The following FSIP2 variants were observed in gnomAD, a reference collection of about 807,000 sequenced individuals.
FSIP2 encodes the protein fibrous sheath interacting protein 2, also known as fibrous sheath-interacting protein 2.
A neutral mutation model predicts 510.5 loss-of-function variants in FSIP2; 367 were observed. The ratio of observed to expected loss-of-function variants is 0.72; its 90% CI spans 0.66 to 0.78. FSIP2 has a LOEUF of 0.78. Among genes scored for constraint, FSIP2 ranks in the 30% least tolerant of loss-of-function variants. The pLI, the probability that FSIP2 is intolerant of heterozygous loss-of-function variation, is 0.00. For synonymous variants in FSIP2, 2,601 were observed against 2,732.2 expected, an observed-to-expected ratio of 0.95 and a Z score of 1.50; for missense variants, 7,594 against 7,901.7, an observed-to-expected ratio of 0.96 and a Z score of 1.48.
At chr2:185,786,324 T>C in intron 15 of FSIP2, 36 bp downstream of exon 15, 1 of 1,378,606 alleles carries the variant, frequency 7.3e-7, no homozygotes, top group Admixed American at 2.2e-5. Flanking sequence ...AAGCAACATA[T>C]TAGTCATACT....
intron 13 of FSIP2, among the ~76,000 whole-genome samples, chr2:185,779,834 G>A (rs1304386884): frequency 6.6e-6 from 1 of 151,788 alleles, no homozygotes. Context: ...CGTATTTTGG[G>A]AGTAAATTCT....
chr2:185,819,473 T>C (rs751384367), intron 19 of FSIP2, among the ~76,000 whole-genome samples: 1 of 151,786 alleles, frequency 6.6e-6, no homozygotes, highest in Non-Finnish European at 1.5e-5. Context: ...TAAGAATACA[T>C]GTAGGTTGAA....
Position 185,803,711 on chromosome 2 carries a change from C to T in FSIP2, c.14405C>T (p.Thr4802Ile). ...TTGGAAAAAATAGTTACTCAGCTTA[C>T]ATCTCAGATAAGTCCATTGAACACC... ...SHLEKIVTQLTSQISPLNTSA... is the reference protein window; with the variant it reads ...SHLEKIVTQLISQISPLNTSA... Residue 4802 changes from threonine (T) to isoleucine (I), a missense_variant, in exon 17 of 23, where the codon ACA (threonine) becomes ATA (isoleucine). By Grantham distance (89) the Thr-to-Ile change is moderately conservative. Coordinates refer to ENST00000424728, the MANE Select transcript of FSIP2 (RefSeq NM_173651.4). The T allele has an allele frequency of 2.6e-6, 4 of 1,532,746 alleles. No homozygotes were observed. Among genetic ancestry groups the T allele is most frequent in the South Asian group, 2.4e-5 (2 of 83,924 alleles). 94.9% of individuals were successfully genotyped at this position (1,532,746 alleles called of 1,614,324 possible). A position where few individuals can be genotyped will look rare whatever the true frequency, so the allele number is the denominator to read the frequency against.
chr2:185,767,639 T>C (rs1266352007), intron 13 of FSIP2, among the ~76,000 whole-genome samples: 1 of 152,180 alleles, frequency 6.6e-6, no homozygotes, highest in East Asian at 1.9e-4. Context: ...AAAGGCTAAA[T>C]AGTATTGTAT....
chr2:185,753,759 T>C lies in FSIP2; in HGVS notation c.908T>C (p.Leu303Ser), dbSNP rs1692191519. The C allele has an allele frequency of 1.4e-6, 2 of 1,394,110 alleles. No individual in the cohort carries two copies. Among genetic ancestry groups the C allele is most frequent in the African/African-American group, 1.4e-5 (1 of 69,066 alleles). The allele number at this position is 1,394,110 out of a possible 1,614,324, so 86.4% of individuals were successfully genotyped here. ...CTAGAGAAAAAAATGGCTTATCATT[T>C]ACAAAAAATGCAAGATACTGGCTTT... ...DLLEKKMAYH[L>S]QKMQDTGFNG... The change falls in exon 8 of 23, where the codon TTA becomes TCA. Residue 303 changes from leucine (L) to serine (S), a missense_variant. Coordinates refer to ENST00000424728, the MANE Select transcript of FSIP2 (RefSeq NM_173651.4).
Position 185,789,784 on chromosome 2 carries a change from T to C in FSIP2, c.2648T>C (p.Ile883Thr). 1 of 1,534,300 alleles carries C rather than the reference T, an allele frequency of 6.5e-7. No homozygotes were observed. Reference protein sequence around the residue: ...SSLESDEASLIVNEEVQNLIS... With the variant: ...SSLESDEASLTVNEEVQNLIS... ...CTTGAATCTGATGAAGCTAGTTTAA[T>C]TGTCAATGAAGAAGTACAAAATTTA... Residue 883 changes from isoleucine (I) to threonine (T), a missense_variant, in exon 16 of 23, where the codon ATT becomes ACT. Ile to Thr is a moderately conservative substitution (Grantham distance 89). Transcript: ENST00000424728.
Position 185,807,745 on chromosome 2 carries a change from G to A in FSIP2, c.18439G>A (p.Glu6147Lys), listed in dbSNP as rs772940106. 2 of 1,612,214 alleles carry A rather than the reference G, an allele frequency of 1.2e-6. No homozygotes were observed. The highest frequency in any genetic ancestry group is 2.2e-5 in the South Asian group (2 of 90,870). ...ELTPHQCVEVENIVEKILKDV... is the reference protein window; with the variant it reads ...ELTPHQCVEVKNIVEKILKDV... ...AACTCCACATCAGTGTGTGGAAGTT[G>A]AAAACATCGTTGAAAAGATCCTTAA... The change falls in exon 17 of 23, where the codon GAA becomes AAA. Residue 6147 changes from glutamate (E) to lysine (K), a missense_variant. Coordinates refer to ENST00000424728, the MANE Select transcript of FSIP2 (RefSeq NM_173651.4).
At chr2:185,824,607 A>T in intron 20 of FSIP2, 127 bp downstream of exon 20, 1 of 630,302 alleles carries the variant, frequency 1.6e-6, no homozygotes, top group Non-Finnish European at 2.8e-6. Context: ...TTTGAAAATG[A>T]TCCAGTATTA....
chr2:185,776,853 G>T (rs1388082605), intron 13 of FSIP2, among the ~76,000 whole-genome samples: 1 of 151,988 alleles, frequency 6.6e-6, no homozygotes, highest in Non-Finnish European at 1.5e-5. Context: ...TCCTGCCTCA[G>T]CCTCCCGAGT....
chr2:185,773,237 C>T (rs1692645986), intron 13 of FSIP2, among the ~76,000 whole-genome samples: 1 of 152,124 alleles, frequency 6.6e-6, no homozygotes, highest in Non-Finnish European at 1.5e-5. Flanking sequence ...AAATTTATTT[C>T]TCCTGAATTT....
intron 9 of FSIP2, 151 bp from the exon 10 acceptor site, chr2:185,760,837 T>C: frequency 2.2e-6 from 1 of 461,982 alleles, no homozygotes; most frequent in Non-Finnish European, 3.8e-6. Context: ...AGACATGTTA[T>C]CTTGAATGCA....
At chr2:185,743,608 C>T (rs191345014) in intron 3 of FSIP2, among the ~76,000 whole-genome samples, 1 of 152,206 alleles carries the variant, frequency 6.6e-6, no homozygotes, top group African/African-American at 2.4e-5. Flanking sequence ...TCTTTAATGG[C>T]ACTGTATACT....
rs538731930 is a variant in FSIP2, at chr2:185,807,431, C to G, written c.18125C>G (p.Thr6042Arg). The G allele has an allele frequency of 3.1e-6, 5 of 1,611,670 alleles. No homozygotes were observed. Among genetic ancestry groups the G allele is most frequent in the Non-Finnish European group, 3.4e-6 (4 of 1,179,154 alleles). ...AAAGAACCTGAGGACAATTTGTCCA[C>G]AGAACTGAATTTCCTTCAAATGAAG... ...KTKEPEDNLS[T>R]ELNFLQMKLV... The change falls in exon 17 of 23, where the codon ACA becomes AGA. Residue 6042 changes from threonine to arginine, a missense_variant. Coordinates refer to ENST00000424728, the MANE Select transcript of FSIP2 (RefSeq NM_173651.4).
At chr2:185,764,610 A>C (rs1192947065) in intron 13 of FSIP2, 45 bp downstream of exon 13, 1 of 1,284,454 alleles carries the variant, frequency 7.8e-7, no homozygotes, top group East Asian at 2.5e-5. Context: ...CATTCTATTT[A>C]TTCTTTCAAC....
intron 15 of FSIP2, among the ~76,000 whole-genome samples, chr2:185,787,614 A>G (rs1226242512): frequency 6.6e-6 from 1 of 151,828 alleles, no homozygotes; most frequent in African/African-American, 2.4e-5. Context: ...ATTATATGTA[A>G]GATGAGTTTT....
At position 185,789,947 on chromosome 2, in the gene FSIP2, A is replaced by C. The variant is rs536332940; in HGVS notation, c.2811A>C (p.Leu937=). 29 of 1,534,322 alleles carry C rather than the reference A, an allele frequency of 1.9e-5. No homozygotes were observed. In the African/African-American group the frequency reaches 3.7e-4, roughly 20 times the overall value. The change falls in exon 16 of 23, where the codon CTA becomes CTC. Residue 937 remains leucine, a synonymous_variant. Transcript: ENST00000424728. The part of the protein sequence containing the change: ...ASEETVVLLQ[L]LEDILFQLHQ... ...AAGAAACCGTAGTACTCCTTCAGCT[A>C]CTTGAGGACATCCTTTTTCAGCTCC...
At chr2:185,810,047 C>T (rs1196488182) in intron 17 of FSIP2, among the ~76,000 whole-genome samples, 6 of 151,884 alleles carry the variant, frequency 4.0e-5, no homozygotes, top group African/African-American at 7.3e-5. Context: ...GTCTGTAGCC[C>T]GGACAATTAG....
intron 12 of FSIP2, among the ~76,000 whole-genome samples, chr2:185,764,254 C>A (rs889665690): frequency 6.6e-6 from 1 of 151,640 alleles, no homozygotes; most frequent in Non-Finnish European, 1.5e-5. Flanking sequence ...ATCCCAAAGT[C>A]TCAGCAAATT....
Position 185,794,685 on chromosome 2 carries a change from A to G in FSIP2, c.7549A>G (p.Asn2517Asp), listed in dbSNP as rs1224728816. Residue 2517 changes from asparagine (N) to aspartate (D), a missense_variant, in exon 16 of 23, where the codon AAT (asparagine) becomes GAT (aspartate). Coordinates refer to ENST00000424728, the MANE Select transcript of FSIP2 (RefSeq NM_173651.4). Reference protein sequence around the residue: ...PLNETANFISNSKIKTSDTTQ... With the variant: ...PLNETANFISDSKIKTSDTTQ... ...TAATGAAACTGCCAACTTTATATCT[A>G]ATTCTAAGATTAAAACATCAGACAC... 1.3e-6 allele frequency: 2 copies of G among 1,533,682 alleles called. No homozygotes were observed. Among genetic ancestry groups the G allele is most frequent in the African/African-American group, 2.7e-5 (2 of 72,874 alleles).
Sources: allele counts gnomAD v4.1 joint callset (sites outside exome capture counted in the v4.1 genomes callset), GRCh38; gene constraint gnomAD v4.1.1; transcripts MANE v1.5; gene names NCBI Gene and HGNC (gene_info 2026-07-23, HGNC 2026-07-21).